CNKSR2: variants seen among roughly 807,000 people sequenced by gnomAD.
The protein encoded by CNKSR2 is connector enhancer of kinase suppressor of Ras 2.
CNKSR2 carries 14 observed loss-of-function variants against 84.4 expected under a neutral mutation model. That is an observed-to-expected ratio of 0.17 (90% CI 0.11 to 0.26). CNKSR2 has a LOEUF of 0.26. CNKSR2 is among the 10% of genes least tolerant of loss of function. CNKSR2 has a pLI of 1.00. For missense variants in CNKSR2, 485 were observed against 771.2 expected, an observed-to-expected ratio of 0.63 and a Z score of 4.40; for synonymous variants, 275 against 277.9, an observed-to-expected ratio of 0.99 and a Z score of 0.10.
At chrX:21,399,832 C>G (rs772380236) in intron 1 of CNKSR2, among the ~76,000 whole-genome samples, 1 of 111,739 alleles carries the variant, frequency 8.9e-6, no homozygotes, top group African/African-American at 3.2e-5. Flanking sequence ...TAAATGCCAG[C>G]TTTGCTATTT....
chrX:21,520,288 G>A (rs958739329), intron 9 of CNKSR2, among the ~76,000 whole-genome samples: 1 of 110,863 alleles, frequency 9.0e-6, no homozygotes, highest in Non-Finnish European at 1.9e-5. Flanking sequence ...CTTTAATTCT[G>A]TTGTCATTTT....
chrX:21,522,961 G>A (rs1304180081), intron 9 of CNKSR2, among the ~76,000 whole-genome samples: 1 of 110,842 alleles, frequency 9.0e-6, no homozygotes, highest in African/African-American at 3.3e-5. Context: ...CTAGCAAATT[G>A]ACAGTAGTAC....
chrX:21,604,608 C>A (rs940853826), intron 18 of CNKSR2, among the ~76,000 whole-genome samples: 1 of 111,317 alleles, frequency 9.0e-6, no homozygotes, highest in Non-Finnish European at 1.9e-5. Context: ...TTGATAAAAT[C>A]ATGATCATCT....
intron 11 of CNKSR2, among the ~76,000 whole-genome samples, chrX:21,542,674 C>T (rs755299424): frequency 1.8e-5 from 2 of 111,831 alleles, no homozygotes; most frequent in East Asian, 2.8e-4. Context: ...CATCATAACA[C>T]ATTTCTATGC....
chrX:21,528,049 T>C (rs142983689), intron 10 of CNKSR2, among the ~76,000 whole-genome samples: 10,634 of 110,753 alleles, frequency 0.096, 1,240 homozygotes, highest in African/African-American at 0.33. Flanking sequence ...GTTTTATATA[T>C]ATTTTAGTTC....
intron 9 of CNKSR2, among the ~76,000 whole-genome samples, chrX:21,516,903 A>G (rs1390462301): frequency 1.8e-5 from 2 of 111,660 alleles, no homozygotes; most frequent in Non-Finnish European, 1.9e-5. Context: ...TTTCATGCCA[A>G]AATATGGATA....
chrX:21,459,853 A>G (rs1194686263), intron 4 of CNKSR2, among the ~76,000 whole-genome samples: 1 of 111,143 alleles, frequency 9.0e-6, no homozygotes, highest in Non-Finnish European at 1.9e-5. Context: ...GTCTTTTTCA[A>G]CTACTCCATC....
chrX:21,404,868 C>T (rs1254013132), intron 1 of CNKSR2, among the ~76,000 whole-genome samples: 3 of 107,318 alleles, frequency 2.8e-5, no homozygotes, highest in East Asian at 2.9e-4. Context: ...GAGAGCCAGG[C>T]GTTCTAACAC....
chrX:21,462,341 T>C (rs971600412), intron 4 of CNKSR2, among the ~76,000 whole-genome samples: 2 of 112,068 alleles, frequency 1.8e-5, no homozygotes, highest in African/African-American at 6.5e-5. Flanking sequence ...TTTTTCACCG[T>C]TGGTATGTAG....
intron 4 of CNKSR2, among the ~76,000 whole-genome samples, chrX:21,443,076 TG>T (rs1334631880): frequency 9.0e-6 from 1 of 110,734 alleles, no homozygotes; most frequent in Admixed American, 9.7e-5. Context: ...TGATAAAATC[TG>T]TACAGCAAAC....
At chrX:21,445,992 G>C (rs1446717489) in intron 4 of CNKSR2, among the ~76,000 whole-genome samples, 3 of 111,324 alleles carry the variant, frequency 2.7e-5, no homozygotes, top group African/African-American at 9.7e-5. Flanking sequence ...TCATATGATA[G>C]TTCTATTTTT....
intron 4 of CNKSR2, among the ~76,000 whole-genome samples, chrX:21,468,250 T>C (rs2091153988): frequency 9.0e-6 from 1 of 111,159 alleles, no homozygotes; most frequent in Admixed American, 9.7e-5. Context: ...GTCTATTTTA[T>C]ATTGTCTAAT....
At chrX:21,610,998 A>G (rs1243167588) in intron 20 of CNKSR2, among the ~76,000 whole-genome samples, 1 of 112,088 alleles carries the variant, frequency 8.9e-6, no homozygotes, top group East Asian at 2.8e-4. Flanking sequence ...CATAATCTCC[A>G]TGAGAAACAT....
intron 20 of CNKSR2, among the ~76,000 whole-genome samples, chrX:21,634,698 G>T (rs185936702): frequency 9.3e-6 from 1 of 107,231 alleles, no homozygotes; most frequent in Non-Finnish European, 1.9e-5. Context: ...TCAGTACCCC[G>T]CATTAGTACT....
At chrX:21,545,324 G>A (rs1203046477) in intron 11 of CNKSR2, among the ~76,000 whole-genome samples, 7 of 112,158 alleles carry the variant, frequency 6.2e-5, no homozygotes, top group Non-Finnish European at 1.1e-4. Flanking sequence ...ACGGTAGCCA[G>A]ACTGCCTAGA....
At chrX:21,545,859 A>G (rs969276426) in intron 11 of CNKSR2, among the ~76,000 whole-genome samples, 2 of 112,252 alleles carry the variant, frequency 1.8e-5, no homozygotes, top group African/African-American at 6.5e-5. Flanking sequence ...AAACTAACAA[A>G]CAGAAAGGAA....
chrX:21,533,100 T>G (rs2091899251), intron 11 of CNKSR2, among the ~76,000 whole-genome samples: 1 of 111,172 alleles, frequency 9.0e-6, no homozygotes, highest in Non-Finnish European at 1.9e-5. Context: ...GGAACCATAC[T>G]TATCTTACCT....
chrX:21,377,279 A>T (rs2089832274), intron 1 of CNKSR2, among the ~76,000 whole-genome samples: 1 of 112,463 alleles, frequency 8.9e-6, no homozygotes, highest in Admixed American at 9.4e-5. Flanking sequence ...ATTTTAAAAA[A>T]TAGTTGGATG....
chrX:21,442,819 A>G (rs769696974), intron 4 of CNKSR2, among the ~76,000 whole-genome samples: 2 of 111,870 alleles, frequency 1.8e-5, no homozygotes, highest in Non-Finnish European at 1.9e-5. Flanking sequence ...CTGTGCAGCT[A>G]TAAAAAAGAA....
Sources: gnomAD v4.1 joint callset for allele counts (sites outside exome capture counted in the v4.1 genomes callset) on GRCh38, gnomAD v4.1.1 for gene constraint, MANE v1.5 for transcripts, NCBI Gene and HGNC (gene_info 2026-07-23, HGNC 2026-07-21) for gene names.